GRK3: variants seen among roughly 807,000 people sequenced by gnomAD.
GRK3 encodes the protein G protein-coupled receptor kinase 3, also known as adrenergic, beta, receptor kinase 2.
In GRK3, 54 loss-of-function variants were observed where a neutral mutation model predicts 95.7. The ratio of observed to expected loss-of-function variants is 0.56; its 90% confidence interval spans 0.45 to 0.71. The LOEUF is 0.71. GRK3 is among the 30% of genes least tolerant of loss of function. GRK3 has a pLI of 0.00. For missense variants in GRK3, 649 were observed against 851.2 expected, an observed-to-expected ratio of 0.76 and a Z score of 2.96; for synonymous variants, 281 against 290.8, an observed-to-expected ratio of 0.97 and a Z score of 0.34.
At chr22:25,619,628 T>TA (rs2084566067) in intron 2 of GRK3, among the ~76,000 whole-genome samples, 1 of 150,520 alleles carries the variant, frequency 6.6e-6, no homozygotes, top group Non-Finnish European at 1.5e-5. Flanking sequence ...GGACTACAGG[T>TA]GCACACGATC....
At chr22:25,675,334 G>A (rs2146418085) in intron 8 of GRK3, among the ~76,000 whole-genome samples, 1 of 152,298 alleles carries the variant, frequency 6.6e-6, no homozygotes, top group Non-Finnish European at 1.5e-5. Flanking sequence ...CCGATCATGG[G>A]CTCCATCACT....
intron 4 of GRK3, 70 bp from the exon 5 acceptor site, chr22:25,663,560 G>A: frequency 2.1e-6 from 2 of 942,776 alleles, no homozygotes; most frequent in Non-Finnish European, 1.6e-6. Flanking sequence ...TTTATCTGTT[G>A]TGATATTATA....
At chr22:25,629,212 T>C (rs1446208231) in intron 2 of GRK3, among the ~76,000 whole-genome samples, 2 of 152,088 alleles carry the variant, frequency 1.3e-5, no homozygotes, top group Non-Finnish European at 2.9e-5. Flanking sequence ...GGTGCTCGCT[T>C]GAAGCCCTAA....
rs188744180 is a variant in GRK3 at position 25,629,846 on chromosome 22, T to C, written c.191-14746T>C. On this transcript the variant is annotated intron_variant, in intron 2 of 20. Transcript: ENST00000324198. ...GTGGCTGGGAGCTTAGTGAGGGTGC[T>C]GTTGCTGTCATCTAAGGAAGGAACA... 6.6e-5 allele frequency among the ~76,000 whole-genome samples: 10 copies of C among 152,310 alleles called. No homozygotes were observed. In the East Asian group the frequency reaches 1.9e-3, roughly 29 times the overall value.
At chr22:25,677,753 A>G (rs2085043245) in intron 8 of GRK3, among the ~76,000 whole-genome samples, 1 of 152,240 alleles carries the variant, frequency 6.6e-6, no homozygotes, top group Non-Finnish European at 1.5e-5. Flanking sequence ...GAAGTAGTCC[A>G]TCATCTGGGA....
At chr22:25,706,989 C>CT (rs1262183126) in intron 15 of GRK3, among the ~76,000 whole-genome samples, 1,705 of 145,320 alleles carry the variant, frequency 0.012, 9 homozygotes, top group African/African-American at 0.02. Context: ...GCCTGGCTAA[C>CT]TTTTTTTTTT....
At chr22:25,574,618 C>CT (rs1931825292) in intron 1 of GRK3, among the ~76,000 whole-genome samples, 3 of 152,258 alleles carry the variant, frequency 2.0e-5, no homozygotes, top group South Asian at 4.1e-4. Flanking sequence ...TTGGAAACAT[C>CT]TTTTTTAAAA....
intron 2 of GRK3, among the ~76,000 whole-genome samples, chr22:25,641,137 C>T (rs1311345791): frequency 6.6e-6 from 1 of 152,194 alleles, no homozygotes; most frequent in Non-Finnish European, 1.5e-5. Context: ...AGTAAAGCTT[C>T]AGTTTATGTG....
intron 1 of GRK3, among the ~76,000 whole-genome samples, chr22:25,602,838 G>T (rs1392337609): frequency 2.0e-5 from 3 of 152,134 alleles, no homozygotes; most frequent in Non-Finnish European, 1.5e-5. Context: ...GGTGCTTTTT[G>T]GGGCAATGGA....
Position 25,565,151 on chromosome 22 carries a change from C to T in GRK3, c.111C>T (p.Pro37=). The T allele has an allele frequency of 6.6e-7, 1 of 1,507,188 alleles. No homozygotes were observed. The highest frequency in any genetic ancestry group is 8.9e-7 in the Non-Finnish European group (1 of 1,126,626). The allele number at this position is 1,507,188 out of a possible 1,614,324, so 93.4% of individuals were successfully genotyped here. A position where few individuals can be genotyped will look rare whatever the true frequency, so the allele number is the denominator to read the frequency against. Residue 37 remains proline (P), a splice_region_variant and synonymous_variant, in exon 1 of 21, where the codon CCC becomes CCT. Coordinates refer to ENST00000324198, the MANE Select transcript of GRK3 (RefSeq NM_005160.4). Reference sequence around the variant, plus strand: ...GCAAGAGGATCGTCCTGCCGGAGCCCAGGTACCAGCTGCCCCGGCCGGCGC... The same window carrying T: ...GCAAGAGGATCGTCCTGCCGGAGCCTAGGTACCAGCTGCCCCGGCCGGCGC... The part of the protein sequence containing the change: ...RASKRIVLPE[P]SIRSVMQKYL...
intron 16 of GRK3, among the ~76,000 whole-genome samples, chr22:25,710,735 T>C (rs1401551898): frequency 6.6e-6 from 1 of 152,062 alleles, no homozygotes; most frequent in Non-Finnish European, 1.5e-5. Flanking sequence ...AACCCAAAGG[T>C]GGTGTTGCGT....
At position 25,709,940 on chromosome 22, in the gene GRK3, C is replaced by T. The variant is rs1374644059; in HGVS notation, c.1371C>T (p.Asp457=). 1 of 1,613,898 alleles carries T rather than the reference C, an allele frequency of 6.2e-7. No homozygotes were observed. Among genetic ancestry groups the T allele is most frequent in the South Asian group, 1.1e-5 (1 of 91,078 alleles). Residue 457 remains aspartate, a synonymous_variant, in exon 16 of 21, where the codon GAC becomes GAT. Transcript: ENST00000324198. ...VKEHSFFKGV[D]WQHVYLQKYP... ...AGCACAGCTTTTTCAAAGGTGTTGA[C>T]TGGCAGCATGTCTACTTACAAAAGG...
intron 2 of GRK3, among the ~76,000 whole-genome samples, chr22:25,620,652 CG>C (rs895750962): frequency 2.0e-4 from 31 of 152,148 alleles, no homozygotes; most frequent in African/African-American, 7.2e-4. Flanking sequence ...AGGTTTTGGG[CG>C]ACAACTCTTT....
chr22:25,664,512 T>C (rs1259156366), intron 5 of GRK3, among the ~76,000 whole-genome samples: 1 of 150,582 alleles, frequency 6.6e-6, no homozygotes, highest in Non-Finnish European at 1.5e-5. Flanking sequence ...AAGTTGACTT[T>C]GGCATTTTTT....
At chr22:25,641,874 G>A (rs909701024) in intron 2 of GRK3, among the ~76,000 whole-genome samples, 1 of 152,192 alleles carries the variant, frequency 6.6e-6, no homozygotes, top group African/African-American at 2.4e-5. Context: ...ACGTGGGTAG[G>A]CTATGGTGAA....
At chr22:25,665,551 T>G (rs563906086) in intron 5 of GRK3, among the ~76,000 whole-genome samples, 1 of 152,080 alleles carries the variant, frequency 6.6e-6, no homozygotes, top group Non-Finnish European at 1.5e-5. Context: ...AAACACTTTA[T>G]TGATTTGTTT....
At chr22:25,663,751 C>G (rs1384332053) in intron 5 of GRK3, 47 bp downstream of exon 5, 9 of 1,371,866 alleles carry the variant, frequency 6.6e-6, no homozygotes, top group East Asian at 2.3e-5. Flanking sequence ...TTGCTTAACA[C>G]TTGGCCTTGG....
At chr22:25,590,950 A>G (rs1050085352) in intron 1 of GRK3, among the ~76,000 whole-genome samples, 1 of 152,200 alleles carries the variant, frequency 6.6e-6, no homozygotes, top group African/African-American at 2.4e-5. Flanking sequence ...GAACGTCTCA[A>G]TTGTCTTACC....
At chr22:25,689,640 G>C (rs774978150) in intron 11 of GRK3, among the ~76,000 whole-genome samples, 7 of 152,170 alleles carry the variant, frequency 4.6e-5, no homozygotes, top group African/African-American at 1.4e-4. Flanking sequence ...CATTTGGTAG[G>C]GCCCTATGTT....
Sources: gnomAD v4.1 joint callset for allele counts (sites outside exome capture counted in the v4.1 genomes callset) on GRCh38, gnomAD v4.1.1 for gene constraint, MANE v1.5 for transcripts, NCBI Gene and HGNC (gene_info 2026-07-23, HGNC 2026-07-21) for gene names.